ZFHX3: variants seen among roughly 807,000 people sequenced by gnomAD.
ZFHX3 encodes the protein zinc finger homeobox protein 3.
A neutral mutation model predicts 279.1 loss-of-function variants in ZFHX3; 42 were observed. The observed-to-expected ratio is 0.15, with a 90% confidence interval of 0.12 to 0.19. The LOEUF is 0.19. Among genes scored for constraint, ZFHX3 ranks in the 10% least tolerant of loss-of-function variants. The probability of loss-of-function intolerance (pLI) is 1.00; values close to 1 mark genes in which losing one functional copy is unlikely to be tolerated. For missense variants in ZFHX3, 4,981 were observed against 4,754.0 expected (o/e 1.05, Z -1.40); for synonymous variants, 2,293 against 1,957.8 (o/e 1.17, Z -4.52).
At chr16:73,008,389 T>C (rs1177429019) in intron 1 of ZFHX3, among the ~76,000 whole-genome samples, 1 of 152,190 alleles carries the variant, frequency 6.6e-6, no homozygotes, top group African/African-American at 2.4e-5. Flanking sequence ...TTAAGTATTC[T>C]ATGGAGGATA....
At chr16:73,442,459 A>T (rs538175399) in intron 3 of ZFHX3, among the ~76,000 whole-genome samples, 1 of 151,920 alleles carries the variant, frequency 6.6e-6, no homozygotes, top group African/African-American at 2.4e-5. Flanking sequence ...CCTAGGCTCA[A>T]GGAATCTTTT....
chr16:73,659,842 T>C, intron 2 of ZFHX3, among the ~76,000 whole-genome samples: 1 of 152,178 alleles, frequency 6.6e-6, no homozygotes, highest in African/African-American at 2.4e-5. Flanking sequence ...AGCAAGTGGG[T>C]CTGTTGAAGC....
chr16:73,723,484 C>T (rs1397010963), intron 1 of ZFHX3, among the ~76,000 whole-genome samples: 1 of 151,962 alleles, frequency 6.6e-6, no homozygotes, highest in Non-Finnish European at 1.5e-5. Flanking sequence ...AAAATGTTCA[C>T]AATGTATTGT....
intron 3 of ZFHX3, among the ~76,000 whole-genome samples, chr16:72,921,654 C>T (rs923628931): frequency 6.6e-6 from 1 of 152,190 alleles, no homozygotes; most frequent in African/African-American, 2.4e-5. Context: ...CTTCGTGCAG[C>T]AAATGATCAC....
rs1441541349 is a variant in ZFHX3 at position 72,788,570 on chromosome 16, C to G, written c.9706G>C (p.Asp3236His). 2 of 1,614,062 alleles carry G rather than the reference C, an allele frequency of 1.2e-6. No homozygotes were observed. The highest frequency in any genetic ancestry group is 2.2e-5 in the East Asian group (1 of 44,820). Residue 3236 changes from aspartate to histidine, a missense_variant, in exon 10 of 10, where the codon GAC (aspartate) becomes CAC (histidine). Asp to His is a moderately conservative substitution (Grantham distance 81). Coordinates refer to ENST00000268489, the MANE Select transcript of ZFHX3 (RefSeq NM_006885.4). The part of the protein sequence containing the change: ...LQQQQQRKDK[D>H]SEKVKEKEKA... The stretch of plus-strand genomic sequence containing the variant: ...TCCTTCTCCTTTACTTTCTCACTGT[C>G]TTTGTCCTTGCGTTGCTGCTGCTGT...
chr16:73,019,047 T>C (rs962652389), intron 1 of ZFHX3, among the ~76,000 whole-genome samples: 2 of 152,316 alleles, frequency 1.3e-5, no homozygotes, highest in African/African-American at 4.8e-5. Flanking sequence ...TCCTCAAGGC[T>C]GTCACTGGAT....
At chr16:73,466,054 C>G (rs2018565237) in intron 2 of ZFHX3, among the ~76,000 whole-genome samples, 1 of 151,650 alleles carries the variant, frequency 6.6e-6, no homozygotes, top group African/African-American at 2.4e-5. Flanking sequence ...TCTGAAGATT[C>G]CAGTATGAAA....
chr16:73,291,241 C>T (rs899208154), intron 4 of ZFHX3, among the ~76,000 whole-genome samples: 5 of 152,308 alleles, frequency 3.3e-5, no homozygotes, highest in South Asian at 2.1e-4. Context: ...CACCTAGACA[C>T]GGGCCTTCCC....
At chr16:73,583,925 T>C (rs183740252) in intron 2 of ZFHX3, among the ~76,000 whole-genome samples, 2 of 151,880 alleles carry the variant, frequency 1.3e-5, no homozygotes, top group African/African-American at 4.8e-5. Flanking sequence ...ATAAAAAGAA[T>C]AGGAAAAAAT....
intron 2 of ZFHX3, among the ~76,000 whole-genome samples, chr16:73,528,217 C>T (rs1245490828): frequency 2.6e-5 from 4 of 152,200 alleles, no homozygotes; most frequent in Non-Finnish European, 2.9e-5. Flanking sequence ...ATTTAATGTA[C>T]ACTACCTTAT....
intron 2 of ZFHX3, among the ~76,000 whole-genome samples, chr16:73,515,643 G>C (rs1209913340): frequency 6.6e-6 from 1 of 151,992 alleles, no homozygotes; most frequent in African/African-American, 2.4e-5. Flanking sequence ...AAGAACCTAC[G>C]GATATAGTTT....
chr16:72,906,130 A>C (rs2144156740), intron 3 of ZFHX3, among the ~76,000 whole-genome samples: 1 of 152,046 alleles, frequency 6.6e-6, no homozygotes, highest in African/African-American at 2.4e-5. Context: ...GGGACATCCA[A>C]GCAATTCGAT....
chr16:73,470,467 C>T (rs938667214), intron 2 of ZFHX3, among the ~76,000 whole-genome samples: 5 of 152,170 alleles, frequency 3.3e-5, no homozygotes, highest in Admixed American at 6.5e-5. Flanking sequence ...TAGTGCTTAA[C>T]ACAGCTTTTA....
intron 2 of ZFHX3, among the ~76,000 whole-genome samples, chr16:73,585,538 C>T (rs1567525819): frequency 6.6e-6 from 1 of 152,106 alleles, no homozygotes; most frequent in Non-Finnish European, 1.5e-5. Context: ...TGCAGCAAAC[C>T]ACCATGACAC....
chr16:73,645,746 G>A (rs2052612952), intron 2 of ZFHX3, among the ~76,000 whole-genome samples: 2 of 152,106 alleles, frequency 1.3e-5, no homozygotes, highest in South Asian at 4.1e-4. Flanking sequence ...AGCATAAAAA[G>A]CCATTTGGTT....
Position 73,649,948 on chromosome 16 carries a change from C to T in ZFHX3, c.-1547+30232G>A, listed in dbSNP as rs368565669. ...TTCAGATAGATCTGGATGTGAGTCA[C>T]GGCTCTAGCACTTGAAGAAAAATAG... On this transcript the variant is annotated intron_variant, in intron 2 of 17. Coordinates refer to the ZFHX3 transcript ENST00000641206. Among the ~76,000 whole-genome samples the T allele has an allele frequency of 7.9e-5, 12 of 152,262 alleles. No individual in the cohort carries two copies. The East Asian group carries it at 1.2e-3, about 15-fold the overall frequency.
intron 1 of ZFHX3, among the ~76,000 whole-genome samples, chr16:73,055,173 G>A (rs1331967535): frequency 6.6e-6 from 1 of 150,954 alleles, no homozygotes; most frequent in Admixed American, 6.6e-5. Flanking sequence ...AACTGGTCTT[G>A]TGCACTGTCT....
At chr16:73,539,125 T>C (rs1219239794) in intron 2 of ZFHX3, among the ~76,000 whole-genome samples, 4 of 152,172 alleles carry the variant, frequency 2.6e-5, no homozygotes, top group Non-Finnish European at 5.9e-5. Context: ...AGCTTTCTTT[T>C]TTTCTTTCTT....
At chr16:73,818,223 A>G (rs960590872) in intron 1 of ZFHX3, among the ~76,000 whole-genome samples, 2 of 152,230 alleles carry the variant, frequency 1.3e-5, no homozygotes, top group Non-Finnish European at 2.9e-5. Flanking sequence ...AGTATGACAG[A>G]TCCTACTGCA....
Sources: gnomAD v4.1 joint callset for allele counts (sites outside exome capture counted in the v4.1 genomes callset) on GRCh38, gnomAD v4.1.1 for gene constraint, MANE v1.5 for transcripts, NCBI Gene and HGNC (gene_info 2026-07-23, HGNC 2026-07-21) for gene names.